The following LHPP variants were observed in gnomAD, a reference collection of about 807,000 sequenced individuals.
LHPP encodes the protein hLHPP.
In LHPP, 24 loss-of-function variants were observed where a neutral mutation model predicts 30.3. The ratio of observed to expected loss-of-function variants is 0.79; its 90% CI spans 0.57 to 1.11. LHPP has a LOEUF of 1.11. LHPP is among the 50% of genes most tolerant of loss of function. The pLI is 0.00. For synonymous variants in LHPP, 150 were observed against 157.1 expected, an observed-to-expected ratio of 0.95 and a Z score of 0.34; for missense variants, 356 against 367.2, an observed-to-expected ratio of 0.97 and a Z score of 0.25.
chr10:124,529,519 T>C (rs4531420), intron 6 of LHPP, among the ~76,000 whole-genome samples: 79,552 of 151,938 alleles, frequency 0.52, 21,514 homozygotes, highest in South Asian at 0.68. Context: ...CTGAGGCTGC[T>C]CTCCGACTGT....
chr10:124,469,160 G>C (rs927235355), intron 1 of LHPP, among the ~76,000 whole-genome samples: 4 of 152,096 alleles, frequency 2.6e-5, no homozygotes, highest in African/African-American at 9.7e-5. Flanking sequence ...CCTGGGGTGA[G>C]ACCAGCCGCC....
chr10:124,481,180 A>G (rs1953114890), intron 1 of LHPP, among the ~76,000 whole-genome samples: 2 of 151,890 alleles, frequency 1.3e-5, no homozygotes, highest in African/African-American at 2.4e-5. Context: ...AAATCAGATG[A>G]TTGGAGACAC....
intron 6 of LHPP, among the ~76,000 whole-genome samples, chr10:124,562,246 G>C (rs1393795534): frequency 2.0e-5 from 3 of 152,174 alleles, no homozygotes; most frequent in Non-Finnish European, 1.5e-5. Flanking sequence ...GGTCAAGGTT[G>C]TAGTGAGCTG....
At chr10:124,532,920 T>C (rs1323443714) in intron 6 of LHPP, among the ~76,000 whole-genome samples, 3 of 152,316 alleles carry the variant, frequency 2.0e-5, no homozygotes, top group Non-Finnish European at 2.9e-5. Context: ...CTGGGACTTG[T>C]ACTTTGGAAA....
At chr10:124,544,515 G>A (rs1055452631) in intron 6 of LHPP, among the ~76,000 whole-genome samples, 2 of 150,242 alleles carry the variant, frequency 1.3e-5, no homozygotes, top group African/African-American at 2.4e-5. Context: ...GGGAGCAGGC[G>A]TGCTCAAGCT....
chr10:124,515,129 C>A (rs937655351), intron 5 of LHPP, among the ~76,000 whole-genome samples: 16 of 152,160 alleles, frequency 1.1e-4, no homozygotes, highest in Non-Finnish European at 2.2e-4. Context: ...ACTCTAATTG[C>A]GTGTACATCA....
At chr10:124,518,489 G>A (rs865844653) in intron 6 of LHPP, among the ~76,000 whole-genome samples, 11 of 152,260 alleles carry the variant, frequency 7.2e-5, no homozygotes, top group Non-Finnish European at 1.5e-4. Flanking sequence ...AGTTGATGCC[G>A]GGTGCTGCCT....
intron 1 of LHPP, among the ~76,000 whole-genome samples, chr10:124,466,259 ACGG>A (rs1263038433): frequency 6.6e-6 from 1 of 152,222 alleles, no homozygotes; most frequent in East Asian, 1.9e-4. Context: ...AGCAGGATGC[ACGG>A]TGCGCTGTTT....
rs1948911697 is a variant in LHPP at position 124,593,948 on chromosome 10, G to T, written c.717-19316G>T. On this transcript the variant is annotated intron_variant, in intron 6 of 6. Transcript: ENST00000368842. The surrounding 1 kb of genome is among the most constrained non-coding windows in gnomAD (Gnocchi z 4.9). Reference sequence around the variant, plus strand: ...CACCAGGTCCTTGCTGCGTCTGGCTGGGCTGCAGAATACCCTTGACCTTTC... The same window carrying T: ...CACCAGGTCCTTGCTGCGTCTGGCTTGGCTGCAGAATACCCTTGACCTTTC... Among the ~76,000 whole-genome samples the T allele has an allele frequency of 6.6e-6, 1 of 152,244 alleles. No individual in the cohort carries two copies. Among genetic ancestry groups the T allele is most frequent in the Non-Finnish European group, 1.5e-5 (1 of 68,044 alleles).
chr10:124,461,978 C>T lies in LHPP; in HGVS notation c.116C>T (p.Ala39Val), dbSNP rs1281389112. 6.6e-6 allele frequency: 8 copies of T among 1,217,732 alleles called. No homozygotes were observed. Among genetic ancestry groups the T allele is most frequent in the Non-Finnish European group, 8.2e-6 (8 of 976,148 alleles). 75.4% of individuals were successfully genotyped at this position (1,217,732 alleles called of 1,614,324 possible). Residue 39 changes from alanine (A) to valine (V), a missense_variant, in exon 1 of 7, where the codon GCG (alanine) becomes GTG (valine). Transcript: ENST00000368842. Reference protein sequence around the residue: ...GGTAIAGSVEAVARLKRSRLK... With the variant: ...GGTAIAGSVEVVARLKRSRLK... ...ACGGCCATCGCCGGCTCGGTGGAGG[C>T]GGTGGCCAGGTGAGTGGGCCCCGGG...
rs941589356 is a variant in LHPP, at chr10:124,485,465, C to T, written c.313+1139C>T. On this transcript the variant is annotated intron_variant, in intron 2 of 6. Transcript: ENST00000368842. ...CCTTCCTCAGCTGTAATCCTGCATCCGTGTTTTCAATAACTAGACCCTTGT... is the reference window on the plus strand; with the variant it reads ...CCTTCCTCAGCTGTAATCCTGCATCTGTGTTTTCAATAACTAGACCCTTGT... Among the ~76,000 whole-genome samples the T allele has an allele frequency of 3.3e-5, 5 of 151,876 alleles. No individual in the cohort carries two copies. In the East Asian group the frequency reaches 7.7e-4, roughly 23 times the overall value.
At chr10:124,479,153 C>T (rs977549478) in intron 1 of LHPP, among the ~76,000 whole-genome samples, 13 of 151,812 alleles carry the variant, frequency 8.6e-5, no homozygotes, top group African/African-American at 2.7e-4. Context: ...GAGGAGGCAG[C>T]GTGCTGAGGT....
At chr10:124,583,408 C>T (rs1028279545) in intron 6 of LHPP, among the ~76,000 whole-genome samples, 1 of 152,180 alleles carries the variant, frequency 6.6e-6, no homozygotes, top group Admixed American at 6.5e-5. Context: ...GCTATTCTTT[C>T]CCCTTTGAAT....
chr10:124,519,639 C>T (rs1021032806), intron 6 of LHPP, among the ~76,000 whole-genome samples: 2 of 152,068 alleles, frequency 1.3e-5, no homozygotes, highest in African/African-American at 4.8e-5. Context: ...TATTTTTATG[C>T]CTTTGCGTCC....
intron 5 of LHPP, among the ~76,000 whole-genome samples, chr10:124,502,703 T>A (rs1377755652): frequency 8.8e-6 from 1 of 113,928 alleles, no homozygotes; most frequent in Non-Finnish European, 1.7e-5. Flanking sequence ...AGCAGGAATC[T>A]CATCCTGTCA....
At chr10:124,524,623 C>T (rs1404297651) in intron 6 of LHPP, among the ~76,000 whole-genome samples, 2 of 152,010 alleles carry the variant, frequency 1.3e-5, no homozygotes, top group African/African-American at 2.4e-5. Context: ...TAAATTGGCC[C>T]AGGAGTTTGA....
At chr10:124,560,179 G>T (rs924354098) in intron 6 of LHPP, among the ~76,000 whole-genome samples, 1 of 152,080 alleles carries the variant, frequency 6.6e-6, no homozygotes, top group Non-Finnish European at 1.5e-5. Flanking sequence ...ACTCTTTCTT[G>T]GTTTTAAATT....
intron 6 of LHPP, among the ~76,000 whole-genome samples, chr10:124,568,069 A>G (rs368204352): frequency 2.0e-5 from 3 of 152,012 alleles, no homozygotes; most frequent in East Asian, 3.9e-4. Context: ...GCGTGCCACC[A>G]CGCCCGGCTA....
chr10:124,584,811 T>A lies in LHPP; in HGVS notation c.717-28453T>A, dbSNP rs1339423197. 2.6e-5 allele frequency among the ~76,000 whole-genome samples: 4 copies of A among 152,222 alleles called. No individual in the cohort carries two copies. In the East Asian group the frequency reaches 7.7e-4, roughly 29 times the overall value. ...AATTTCTTTTAACAAGTATCATTAA[T>A]CCAAAAATCTGAAATCTGGTATGCT... On this transcript the variant is annotated intron_variant, in intron 6 of 6. Coordinates refer to ENST00000368842, the MANE Select transcript of LHPP (RefSeq NM_022126.4).
Sources: allele counts gnomAD v4.1 joint callset (sites outside exome capture counted in the v4.1 genomes callset), GRCh38; gene constraint gnomAD v4.1.1; non-coding constraint Gnocchi (gnomAD v3.1); transcripts MANE v1.5; gene names NCBI Gene and HGNC (gene_info 2026-07-23, HGNC 2026-07-21).